SREK1IP1: variants seen among roughly 807,000 people sequenced by gnomAD.
The protein encoded by SREK1IP1 is SREK1 interacting protein 1.
A neutral mutation model predicts 22.8 loss-of-function variants in SREK1IP1; 12 were observed. The ratio of observed to expected loss-of-function variants is 0.53; its 90% CI spans 0.34 to 0.85. The LOEUF (loss-of-function observed/expected upper bound fraction) is 0.85. Among genes scored for constraint, SREK1IP1 ranks in the 40% least tolerant of loss-of-function variants. The pLI is 0.02. For missense variants in SREK1IP1, 147 were observed against 171.8 expected, an observed-to-expected ratio of 0.86 and a Z score of 0.81; for synonymous variants, 53 against 52.7, an observed-to-expected ratio of 1.01 and a Z score of -0.02.
chr5:64,730,028 G>C (rs1357886847), intron 3 of SREK1IP1, among the ~76,000 whole-genome samples: 1 of 152,044 alleles, frequency 6.6e-6, no homozygotes, highest in African/African-American at 2.4e-5. Context: ...AGAGAATGAT[G>C]AGAAAAAAAT....
chr5:64,762,726 T>A (rs887383135), intron 1 of SREK1IP1, among the ~76,000 whole-genome samples: 4 of 152,196 alleles, frequency 2.6e-5, no homozygotes, highest in Non-Finnish European at 4.4e-5. Flanking sequence ...GCAAGTATTC[T>A]GAAATAGCAG....
At chr5:64,739,426 G>T (rs76128482) in intron 3 of SREK1IP1, among the ~76,000 whole-genome samples, 20 of 152,178 alleles carry the variant, frequency 1.3e-4, no homozygotes, top group Admixed American at 1.0e-3. Flanking sequence ...GGTCTAACTC[G>T]TGGAGACTTC....
Position 64,723,291 on chromosome 5 carries a change from AT to A in SREK1IP1, c.*1092del, listed in dbSNP as rs1244864965. On this transcript the variant is annotated 3_prime_UTR_variant, in exon 5 of 5. Coordinates refer to ENST00000513458, the MANE Select transcript of SREK1IP1 (RefSeq NM_173829.4). ...TAAAAAGTACAGAATAAAATTCTCA[AT>A]TCTTTTTTTGACACTTTTTACTCTT... 1.3e-5 allele frequency: 2 copies of A among 152,224 alleles called. No individual in the cohort carries two copies. Among genetic ancestry groups the A allele is most frequent in the African/African-American group, 4.8e-5 (2 of 41,468 alleles). 9.4% of individuals were successfully genotyped at this position (152,224 alleles called of 1,614,324 possible).
chr5:64,724,444 C>T lies in SREK1IP1; in HGVS notation c.408G>A (p.Lys136=). The change falls in exon 5 of 5, where the codon AAG becomes AAA. Residue 136 remains lysine, a synonymous_variant. Coordinates refer to ENST00000513458, the MANE Select transcript of SREK1IP1 (RefSeq NM_173829.4). The part of the protein sequence containing the change: ...KKGKHHKKEK[K]KRKKEKHSST... Reference sequence around the variant, plus strand: ...AAGAATGCTTTTCCTTTTTTCTCTTCTTTTTTTCCTTTTTGTGATGTTTCC... The same window carrying T: ...AAGAATGCTTTTCCTTTTTTCTCTTTTTTTTTTCCTTTTTGTGATGTTTCC... 1 of 1,586,458 alleles carries T rather than the reference C, an allele frequency of 6.3e-7. No homozygotes were observed. Among genetic ancestry groups the T allele is most frequent in the African/African-American group, 1.4e-5 (1 of 72,854 alleles).
At chr5:64,757,037 ATT>A (rs568506399) in intron 1 of SREK1IP1, among the ~76,000 whole-genome samples, 242 of 152,338 alleles carry the variant, frequency 1.6e-3, no homozygotes, top group African/African-American at 5.5e-3. Context: ...AACAAATATA[ATT>A]TTAAAACTAT....
chr5:64,767,061 A>G (rs1293167794), intron 1 of SREK1IP1, among the ~76,000 whole-genome samples: 1 of 152,188 alleles, frequency 6.6e-6, no homozygotes, highest in African/African-American at 2.4e-5. Context: ...TCTGTACTTA[A>G]TTTCTCACTT....
chr5:64,756,687 G>A (rs1322141788), intron 1 of SREK1IP1, among the ~76,000 whole-genome samples: 3 of 151,514 alleles, frequency 2.0e-5, no homozygotes, highest in African/African-American at 7.3e-5. Flanking sequence ...GTGCAGTGGT[G>A]CGTATCTCGG....
chr5:64,742,676 C>T (rs1401597390), intron 2 of SREK1IP1, among the ~76,000 whole-genome samples: 2 of 152,086 alleles, frequency 1.3e-5, no homozygotes, highest in African/African-American at 4.8e-5. Flanking sequence ...ATTTTTATCC[C>T]CCACATCCTG....
In SREK1IP1 at chr5:64,723,918, A is replaced by G. The variant is rs180800361; in HGVS notation, c.*466T>C. On this transcript the variant is annotated 3_prime_UTR_variant, in exon 5 of 5. Coordinates refer to ENST00000513458, the MANE Select transcript of SREK1IP1 (RefSeq NM_173829.4). ...AAGAATTTCACTATCTTTAAAAGAT[A>G]TTATATTTTAGTACATAAAGCTATT... The G allele has an allele frequency of 6.5e-6, 1 of 152,930 alleles. No homozygotes were observed. Among genetic ancestry groups the G allele is most frequent in the East Asian group, 1.9e-4 (1 of 5,194 alleles). The allele number at this position is 152,930 out of a possible 1,614,324, so 9.5% of individuals were successfully genotyped here.
intron 1 of SREK1IP1, among the ~76,000 whole-genome samples, chr5:64,759,951 T>C (rs1296969790): frequency 2.0e-5 from 3 of 152,218 alleles, no homozygotes; most frequent in Non-Finnish European, 4.4e-5. Flanking sequence ...CAAGTGTACA[T>C]ACCTCTCTGA....
intron 2 of SREK1IP1, among the ~76,000 whole-genome samples, chr5:64,741,858 A>G (rs1407462022): frequency 6.6e-6 from 1 of 152,156 alleles, no homozygotes; most frequent in Non-Finnish European, 1.5e-5. Context: ...TATCATCCAA[A>G]TGTTAACATT....
At chr5:64,747,099 A>C (rs1189323170) in intron 2 of SREK1IP1, among the ~76,000 whole-genome samples, 1 of 152,204 alleles carries the variant, frequency 6.6e-6, no homozygotes, top group Non-Finnish European at 1.5e-5. Flanking sequence ...TGTGTGCCAC[A>C]ATCGTGGCAC....
intron 2 of SREK1IP1, among the ~76,000 whole-genome samples, chr5:64,745,530 A>T (rs1055953753): frequency 2.6e-5 from 4 of 152,010 alleles, no homozygotes; most frequent in South Asian, 2.1e-4. Flanking sequence ...TGGAGGTTGC[A>T]GTGAGCTGAG....
rs768616262 is a variant in SREK1IP1 at position 64,721,761 on chromosome 5, T to C, written c.*2623A>G. 1.1e-4 allele frequency: 17 copies of C among 152,120 alleles called. No individual in the cohort carries two copies. Among genetic ancestry groups the C allele is most frequent in the Non-Finnish European group, 1.9e-4 (13 of 68,010 alleles). 9.4% of individuals were successfully genotyped at this position (152,120 alleles called of 1,614,324 possible). ...AATATCAATTATCTGCTTGAAGAAG[T>C]TGAACGTGTTTATTATATTAATAAA... On this transcript the variant is annotated 3_prime_UTR_variant, in exon 5 of 5. Coordinates refer to ENST00000513458, the MANE Select transcript of SREK1IP1 (RefSeq NM_173829.4).
rs773550509 is a variant in SREK1IP1, at chr5:64,724,565, G to A, written c.287C>T (p.Ser96Leu). 8 of 1,562,654 alleles carry A rather than the reference G, an allele frequency of 5.1e-6. No individual in the cohort carries two copies. Among genetic ancestry groups the A allele is most frequent in the Admixed American group, 2.1e-5 (1 of 47,032 alleles). The change falls in exon 5 of 5, where the codon TCA (serine) becomes TTA (leucine). Residue 96 changes from serine (S) to leucine (L), a missense_variant. By Grantham distance (145) the Ser-to-Leu change is moderately radical. Coordinates refer to ENST00000513458, the MANE Select transcript of SREK1IP1 (RefSeq NM_173829.4). ...KLKKKRKRSY[S>L]SSSTEEDTSK... The stretch of plus-strand genomic sequence containing the variant: ...AGTGTCCTCTTCAGTGGAACTGGAT[G>A]AGTAAGACCTATGGATAATAATACA...
chr5:64,741,513 T>C (rs928510223), intron 2 of SREK1IP1, among the ~76,000 whole-genome samples: 8 of 152,150 alleles, frequency 5.3e-5, no homozygotes, highest in Non-Finnish European at 1.0e-4. Flanking sequence ...CAGTAATATC[T>C]TTAACTAAAC....
chr5:64,724,522 T>G lies in SREK1IP1; in HGVS notation c.330A>C (p.Gln110His). 1.3e-6 allele frequency: 2 copies of G among 1,590,148 alleles called. No individual in the cohort carries two copies. The highest frequency in any genetic ancestry group is 1.7e-6 in the Non-Finnish European group (2 of 1,174,264). ...TTTTCTTTTCTTTCTTCTGATATTT[T>G]TGTTTCTTTTGTTTTGAAGTGTCCT... Reference protein sequence around the residue: ...TEEDTSKQKKQKYQKKEKKKE... With the variant: ...TEEDTSKQKKHKYQKKEKKKE... Residue 110 changes from glutamine (Q) to histidine (H), a missense_variant, in exon 5 of 5, where the codon CAA becomes CAC. By Grantham distance (24) the Gln-to-His change is conservative (BLOSUM62 0). Around this residue, in one of 3 missense-constraint regions of SREK1IP1, gnomAD observed 82 missense variants for 81.7 expected, o/e 1.00. Transcript: ENST00000513458.
At chr5:64,753,171 A>G (rs1742778300) in intron 2 of SREK1IP1, among the ~76,000 whole-genome samples, 1 of 152,216 alleles carries the variant, frequency 6.6e-6, no homozygotes, top group Admixed American at 6.5e-5. Context: ...AAAGAAGTCC[A>G]AGTATAGAGA....
At chr5:64,743,419 T>C (rs1385276413) in intron 2 of SREK1IP1, among the ~76,000 whole-genome samples, 1 of 152,172 alleles carries the variant, frequency 6.6e-6, no homozygotes, top group East Asian at 1.9e-4. Flanking sequence ...TGAAATTGCC[T>C]AATGACACAC....
Sources: gnomAD v4.1 joint callset for allele counts (sites outside exome capture counted in the v4.1 genomes callset) on GRCh38, gnomAD v4.1.1 for gene constraint, gnomAD v4.1.1 regional missense constraint, MANE v1.5 for transcripts, NCBI Gene and HGNC (gene_info 2026-07-23, HGNC 2026-07-21) for gene names.